Variants in RGS20 observed in about 807,000 individuals in gnomAD.
The protein encoded by RGS20 is gz-selective GTPase-activating protein.
RGS20 carries 30 observed loss-of-function variants against 33.6 expected under a neutral mutation model. The ratio of observed to expected loss-of-function variants is 0.89; its 90% CI spans 0.67 to 1.21. RGS20 has a LOEUF of 1.21. RGS20 is among the 50% of genes most tolerant of loss of function. RGS20 has a pLI of 0.00. For missense variants in RGS20, 472 were observed against 502.4 expected (o/e 0.94, Z 0.58); for synonymous variants, 208 against 197.9 (o/e 1.05, Z -0.43).
At chr8:53,942,116 A>G (rs1338897071) in intron 3 of RGS20, among the ~76,000 whole-genome samples, 1 of 152,104 alleles carries the variant, frequency 6.6e-6, no homozygotes, top group African/African-American at 2.4e-5. Context: ...TCTACTAAAA[A>G]TACAAAATTA....
At chr8:53,883,032 T>C (rs1195063121) in intron 2 of RGS20, among the ~76,000 whole-genome samples, 1 of 152,196 alleles carries the variant, frequency 6.6e-6, no homozygotes, top group Non-Finnish European at 1.5e-5. Flanking sequence ...ACTCTATCTG[T>C]AAGTTTTTTG....
chr8:53,902,268 G>A (rs1813053168), intron 2 of RGS20, among the ~76,000 whole-genome samples: 1 of 152,130 alleles, frequency 6.6e-6, no homozygotes, highest in Non-Finnish European at 1.5e-5. Flanking sequence ...CCAAAGTGCT[G>A]GGATTACAGG....
chr8:53,929,450 G>A (rs1018505945), intron 2 of RGS20, among the ~76,000 whole-genome samples: 1 of 152,142 alleles, frequency 6.6e-6, no homozygotes, highest in African/African-American at 2.4e-5. Context: ...GGAGGCTGAG[G>A]CGGGTGGATA....
At chr8:53,889,069 A>G (rs1467283627) in intron 2 of RGS20, among the ~76,000 whole-genome samples, 1 of 152,190 alleles carries the variant, frequency 6.6e-6, no homozygotes, top group Non-Finnish European at 1.5e-5. Flanking sequence ...TGCCCAGGAT[A>G]AAAATTGTTG....
chr8:53,895,231 G>T (rs1812823084), intron 2 of RGS20, among the ~76,000 whole-genome samples: 1 of 152,150 alleles, frequency 6.6e-6, no homozygotes, highest in Non-Finnish European at 1.5e-5. Flanking sequence ...CCATGGAGAA[G>T]ACAGGAGGTG....
chr8:53,864,511 G>C (rs1465752475), intron 1 of RGS20, among the ~76,000 whole-genome samples: 1 of 151,034 alleles, frequency 6.6e-6, no homozygotes, highest in Non-Finnish European at 1.5e-5. Context: ...CTTTCCATTA[G>C]CCCTGTGCTG....
chr8:53,852,812 C>T (rs1811595553), intron 1 of RGS20, among the ~76,000 whole-genome samples: 1 of 152,144 alleles, frequency 6.6e-6, no homozygotes, highest in Admixed American at 6.5e-5. Flanking sequence ...CCAGAAAATT[C>T]ACCTGTTCTT....
chr8:53,923,056 T>C (rs1813695929), intron 2 of RGS20, among the ~76,000 whole-genome samples: 1 of 152,186 alleles, frequency 6.6e-6, no homozygotes, highest in Non-Finnish European at 1.5e-5. Flanking sequence ...TAGTAAGATA[T>C]AGAAACTTTT....
At chr8:53,897,267 C>G (rs376269888) in intron 2 of RGS20, among the ~76,000 whole-genome samples, 1 of 152,202 alleles carries the variant, frequency 6.6e-6, no homozygotes, top group East Asian at 1.9e-4. Context: ...TTGTGCCCAG[C>G]ACAAGCAGAC....
chr8:53,949,802 A>C (rs1043241151), intron 4 of RGS20, among the ~76,000 whole-genome samples: 1 of 152,038 alleles, frequency 6.6e-6, no homozygotes, highest in Non-Finnish European at 1.5e-5. Flanking sequence ...TAAGTAAAGA[A>C]AGTGGTCTAA....
intron 2 of RGS20, among the ~76,000 whole-genome samples, chr8:53,936,411 C>CA (rs1814137683): frequency 6.6e-6 from 1 of 152,148 alleles, no homozygotes; most frequent in Non-Finnish European, 1.5e-5. Flanking sequence ...TCTCAGGATA[C>CA]AAAATCAATG....
At chr8:53,903,653 G>A (rs1813090615) in intron 2 of RGS20, among the ~76,000 whole-genome samples, 1 of 152,120 alleles carries the variant, frequency 6.6e-6, no homozygotes, top group Non-Finnish European at 1.5e-5. Context: ...TTGTTCTTCT[G>A]TCCCTTGGCC....
chr8:53,929,558 CT>C (rs1269505351), intron 2 of RGS20, among the ~76,000 whole-genome samples: 14 of 152,152 alleles, frequency 9.2e-5, no homozygotes, highest in African/African-American at 3.1e-4. Context: ...ATTCCAGCTA[CT>C]CGGGAGGCTG....
At chr8:53,927,072 G>A (rs1813821952) in intron 2 of RGS20, among the ~76,000 whole-genome samples, 1 of 152,124 alleles carries the variant, frequency 6.6e-6, no homozygotes. Context: ...CCTCTTAGAT[G>A]TTGAGTTCCT....
Position 53,922,722 on chromosome 8 carries a change from G to T in RGS20, c.511-16854G>T, listed in dbSNP as rs887959961. On this transcript the variant is annotated intron_variant, in intron 2 of 5. Coordinates refer to ENST00000297313, the MANE Select transcript of RGS20 (RefSeq NM_170587.4). The stretch of plus-strand genomic sequence containing the variant: ...GGGTGTCACTTTGTCACACAGGCTG[G>T]AGTGCAGTGGTGCAATCATAGCTCG... Among the ~76,000 whole-genome samples the T allele has an allele frequency of 2.6e-5, 4 of 152,100 alleles. No homozygotes were observed. The East Asian group carries it at 7.7e-4, about 29-fold the overall frequency.
intron 2 of RGS20, among the ~76,000 whole-genome samples, chr8:53,936,107 CA>C (rs1435531350): frequency 5.9e-5 from 9 of 152,146 alleles, no homozygotes; most frequent in Non-Finnish European, 1.3e-4. Flanking sequence ...CTCAAAATAA[CA>C]AGACCTATTT....
At chr8:53,899,484 G>A (rs1419318520) in intron 2 of RGS20, among the ~76,000 whole-genome samples, 1 of 152,076 alleles carries the variant, frequency 6.6e-6, no homozygotes, top group Admixed American at 6.5e-5. Flanking sequence ...TCCATTCATA[G>A]AGATGTGTAA....
At chr8:53,870,724 C>G (rs1238244101) in intron 1 of RGS20, among the ~76,000 whole-genome samples, 1 of 152,102 alleles carries the variant, frequency 6.6e-6, no homozygotes, top group Non-Finnish European at 1.5e-5. Flanking sequence ...AGCCTGTGGA[C>G]TGATGATTCC....
intron 1 of RGS20, among the ~76,000 whole-genome samples, chr8:53,868,808 A>C (rs1811985475): frequency 6.6e-6 from 1 of 151,920 alleles, no homozygotes; most frequent in South Asian, 2.1e-4. Flanking sequence ...GTTGAAGTGC[A>C]GTGGGGCGAT....
Sources: gnomAD v4.1 joint callset for allele counts (sites outside exome capture counted in the v4.1 genomes callset) on GRCh38, gnomAD v4.1.1 for gene constraint, MANE v1.5 for transcripts, NCBI Gene and HGNC (gene_info 2026-07-23, HGNC 2026-07-21) for gene names.